Variants in KLHL2 observed in about 807,000 individuals in gnomAD.
The protein encoded by KLHL2 is kelch-like protein 2.
In KLHL2, 15 loss-of-function variants were observed where a neutral mutation model predicts 75.8. The ratio of observed to expected loss-of-function variants is 0.20; its 90% CI spans 0.13 to 0.30. The LOEUF is 0.30. Ranked by LOEUF, KLHL2 falls within the 10% of genes least tolerant of loss-of-function variation. The pLI, the probability that KLHL2 is intolerant of heterozygous loss-of-function variation, is 1.00. For synonymous variants in KLHL2, 214 were observed against 251.9 expected (o/e 0.85, Z 1.42); for missense variants, 381 against 741.0 (o/e 0.51, Z 5.64).
At chr4:165,279,450 C>T (rs775045992) in intron 5 of KLHL2, 2 of 1,600,920 alleles carry the variant, frequency 1.2e-6, no homozygotes, top group Admixed American at 3.3e-5. Context: ...TCTATACACT[C>T]ATAGACAGAA....
Position 165,257,528 on chromosome 4 carries a change from C to T in KLHL2, c.382-5669C>T, listed in dbSNP as rs558182643. 2.4e-4 allele frequency among the ~76,000 whole-genome samples: 37 copies of T among 152,240 alleles called. No homozygotes were observed. In the East Asian group the frequency reaches 5.6e-3, roughly 23 times the overall value. On this transcript the variant is annotated intron_variant, in intron 4 of 14. Transcript: ENST00000226725. ...CAGGGGCTGGGGTGAGGCCCTGTTA[C>T]GTTACATCTTCAGAAAGGTGGTCAA... is the stretch of plus-strand genomic sequence containing the variant.
rs373958025 is a variant in KLHL2 at position 165,297,709 on chromosome 4, G to A, written c.755G>A (p.Arg252Gln). 34 of 1,609,736 alleles carry A rather than the reference G, an allele frequency of 2.1e-5. No homozygotes were observed. The highest frequency in any genetic ancestry group is 2.7e-5 in the Non-Finnish European group (32 of 1,176,164). Residue 252 changes from arginine to glutamine, a missense_variant, in exon 7 of 15, where the codon CGG becomes CAG. Around this residue, in one of 5 missense-constraint regions of KLHL2, gnomAD observed 111 missense variants for 150.1 expected, o/e 0.74. Coordinates refer to ENST00000226725, the MANE Select transcript of KLHL2 (RefSeq NM_007246.4). Reference protein sequence around the residue: ...MEHVRLPLLPREYLVQRVEEE... With the variant: ...MEHVRLPLLPQEYLVQRVEEE... The stretch of plus-strand genomic sequence containing the variant: ...CATGTACGGTTACCTTTGCTTCCTC[G>A]GGAATATTTAGTTCAGGTAAATGCA...
chr4:165,230,458 A>G (rs1165287297), intron 3 of KLHL2, among the ~76,000 whole-genome samples: 1 of 152,200 alleles, frequency 6.6e-6, no homozygotes, highest in Non-Finnish European at 1.5e-5. Flanking sequence ...ATAGAAAATG[A>G]TCAGTTAATT....
rs1201801963 is a variant in KLHL2 at position 165,322,152 on chromosome 4, G to A, written c.*92G>A. ...CTGAGAATCTAGCACTTCTCCACTTGTAGCTGCACTTTAAGTCTCAGCAGA... is the reference window on the plus strand; with the variant it reads ...CTGAGAATCTAGCACTTCTCCACTTATAGCTGCACTTTAAGTCTCAGCAGA... On this transcript the variant is annotated 3_prime_UTR_variant, in exon 15 of 15. Transcript: ENST00000226725. 1 of 1,142,104 alleles carries A rather than the reference G, an allele frequency of 8.8e-7. No homozygotes were observed. Among genetic ancestry groups the A allele is most frequent in the Non-Finnish European group, 1.3e-6 (1 of 751,842 alleles). 70.7% of individuals were successfully genotyped at this position (1,142,104 alleles called of 1,614,324 possible).
At chr4:165,283,731 G>C (rs11730816) in intron 5 of KLHL2, among the ~76,000 whole-genome samples, 2 of 152,154 alleles carry the variant, frequency 1.3e-5, no homozygotes, top group African/African-American at 2.4e-5. Context: ...TACCCCAGTA[G>C]GGATTCTGTG....
At chr4:165,214,316 G>A (rs1737390527) in intron 1 of KLHL2, among the ~76,000 whole-genome samples, 1 of 152,128 alleles carries the variant, frequency 6.6e-6, no homozygotes, top group South Asian at 2.1e-4. Context: ...CCCTATTTTA[G>A]CACCTCACAA....
intron 14 of KLHL2, among the ~76,000 whole-genome samples, chr4:165,321,567 G>T (rs866689158): frequency 6.6e-6 from 1 of 152,056 alleles, no homozygotes. Context: ...TAAATTATGC[G>T]GGAGTAAAAA....
rs1745396652 is a variant in KLHL2, at chr4:165,302,129, G to A, written c.921+2473G>A. On this transcript the variant is annotated intron_variant, in intron 8 of 14. Transcript: ENST00000226725. ...ATTCTGCTCTATCAGGGTGGTGGGT[G>A]GGGCAGCAGACTTGCTGGATAGCAG... is the stretch of plus-strand genomic sequence containing the variant. 2.0e-5 allele frequency among the ~76,000 whole-genome samples: 3 copies of A among 152,080 alleles called. No homozygotes were observed. In the South Asian group the frequency reaches 6.2e-4, roughly 32 times the overall value.
chr4:165,275,709 G>A (rs1226420129), intron 5 of KLHL2, among the ~76,000 whole-genome samples: 1 of 152,132 alleles, frequency 6.6e-6, no homozygotes, highest in Non-Finnish European at 1.5e-5. Context: ...CCCAGAGTCG[G>A]GATTACAGGC....
At chr4:165,312,370 A>G (rs748401999) in intron 11 of KLHL2, among the ~76,000 whole-genome samples, 16 of 152,138 alleles carry the variant, frequency 1.1e-4, no homozygotes, top group Admixed American at 2.0e-4. Context: ...TTATTTATTT[A>G]TATCCTACTT....
chr4:165,288,783 C>T (rs1744282686), intron 5 of KLHL2, among the ~76,000 whole-genome samples: 1 of 150,738 alleles, frequency 6.6e-6, no homozygotes, highest in South Asian at 2.1e-4. Flanking sequence ...GATTTATACT[C>T]CCACCAGCAG....
At chr4:165,237,153 C>A (rs537700662) in intron 3 of KLHL2, among the ~76,000 whole-genome samples, 3 of 152,002 alleles carry the variant, frequency 2.0e-5, no homozygotes, top group African/African-American at 7.2e-5. Flanking sequence ...ACAAAAGAGG[C>A]TTCAGTTTAT....
chr4:165,215,311 CAT>C (rs530782523), intron 1 of KLHL2, among the ~76,000 whole-genome samples: 422 of 152,246 alleles, frequency 2.8e-3, no homozygotes, highest in Non-Finnish European at 5.0e-3. Context: ...TGTAGAATGA[CAT>C]AACAAATTTT....
chr4:165,272,793 A>G (rs898130401), intron 5 of KLHL2, among the ~76,000 whole-genome samples: 1 of 152,154 alleles, frequency 6.6e-6, no homozygotes, highest in African/African-American at 2.4e-5. Context: ...ATACTACAAA[A>G]TATAAAAAAT....
At chr4:165,229,268 T>TA (rs1738695013) in intron 3 of KLHL2, among the ~76,000 whole-genome samples, 1 of 152,252 alleles carries the variant, frequency 6.6e-6, no homozygotes, top group South Asian at 2.1e-4. Context: ...CATCCAGTGT[T>TA]ACATTGAACA....
chr4:165,304,809 T>C (rs1745602531), intron 8 of KLHL2, among the ~76,000 whole-genome samples: 1 of 152,232 alleles, frequency 6.6e-6, no homozygotes, highest in South Asian at 2.1e-4. Flanking sequence ...TCATAAGTCT[T>C]GTCTCCTTAG....
chr4:165,254,992 T>G (rs1474949099), intron 4 of KLHL2, among the ~76,000 whole-genome samples: 12 of 152,236 alleles, frequency 7.9e-5, no homozygotes, highest in Non-Finnish European at 1.6e-4. Flanking sequence ...GTCATTGCCA[T>G]GCATTGTGTT....
rs1211508120 is a variant in KLHL2 at position 165,263,806 on chromosome 4, T to G, written c.544+447T>G. ...ATTTTAGCTCTGATTTTTTACATTG[T>G]TTTTTTTTTTTTTTTTTTTTTTTGC... On this transcript the variant is annotated intron_variant, in intron 5 of 14. Coordinates refer to ENST00000226725, the MANE Select transcript of KLHL2 (RefSeq NM_007246.4). Among the ~76,000 whole-genome samples, 31 of 10,006 alleles carry G rather than the reference T, an allele frequency of 3.1e-3. No homozygotes were observed. The South Asian group carries it at 0.14, about 45-fold the overall frequency. 6.6% of individuals were successfully genotyped at this position (10,006 alleles called of 152,430 possible).
At chr4:165,211,786 G>C (rs2110938888) in intron 1 of KLHL2, among the ~76,000 whole-genome samples, 1 of 152,238 alleles carries the variant, frequency 6.6e-6, no homozygotes, top group Admixed American at 6.5e-5. Flanking sequence ...TCTGGAAATA[G>C]GTAGCATTTA....
Sources: gnomAD v4.1 joint callset for allele counts (sites outside exome capture counted in the v4.1 genomes callset) on GRCh38, gnomAD v4.1.1 for gene constraint, gnomAD v4.1.1 regional missense constraint, MANE v1.5 for transcripts, NCBI Gene and HGNC (gene_info 2026-07-23, HGNC 2026-07-21) for gene names.